Variants in CROCC observed in about 807,000 individuals in gnomAD.
CROCC encodes the protein rootletin.
In CROCC, 180 loss-of-function variants were observed where a neutral mutation model predicts 245.2. The ratio of observed to expected loss-of-function variants is 0.73; its 90% CI spans 0.65 to 0.83. The LOEUF (loss-of-function observed/expected upper bound fraction) is 0.83. Among genes scored for constraint, CROCC ranks in the 40% least tolerant of loss-of-function variants. The probability of loss-of-function intolerance (pLI) is 0.00; values close to 1 mark genes in which losing one functional copy is unlikely to be tolerated. For missense variants in CROCC, 2,688 were observed against 2,779.4 expected, an observed-to-expected ratio of 0.97 and a Z score of 0.74; for synonymous variants, 1,205 against 1,241.6, an observed-to-expected ratio of 0.97 and a Z score of 0.62.
At chr1:16,960,638 A>C in intron 26 of CROCC, 120 bp from the exon 27 acceptor site, 2 of 1,253,430 alleles carry the variant, frequency 1.6e-6, no homozygotes, top group Non-Finnish European at 2.0e-6. Flanking sequence ...GCGAGCACTA[A>C]AGGAGAAAGG....
At chr1:16,961,153 G>A (rs1406715507) in intron 27 of CROCC, 23 bp downstream of exon 27, 1 of 1,296,510 alleles carries the variant, frequency 7.7e-7, no homozygotes, top group South Asian at 2.1e-5. Context: ...CCGCGCGCAG[G>A]GAAGGGGGGA....
At chr1:16,947,943 G>A (rs2076086140) in intron 17 of CROCC, among the ~76,000 whole-genome samples, 1 of 152,190 alleles carries the variant, frequency 6.6e-6, no homozygotes, top group South Asian at 2.1e-4. Flanking sequence ...GGTTTAAGCT[G>A]TTCGCCTGCC....
chr1:16,952,625 C>G (rs1383816600), intron 20 of CROCC, among the ~76,000 whole-genome samples: 3 of 152,150 alleles, frequency 2.0e-5, no homozygotes, highest in Admixed American at 2.0e-4. Context: ...CTGTCCAGTC[C>G]CCAGGGATCT....
At chr1:16,946,130 A>G in intron 15 of CROCC, 129 bp from the exon 16 acceptor site, 1 of 1,078,868 alleles carries the variant, frequency 9.3e-7, no homozygotes, top group Non-Finnish European at 1.3e-6. Flanking sequence ...TTTCCATCTC[A>G]CACTGTGTCC....
chr1:16,931,493 T>A lies in CROCC; in HGVS notation c.956+96T>A. ...TGAATTTCAGTTCAACTCAACGCAC[T>A]TACTGTGCACAAGGGCCGGTGAGGA... On this transcript the variant is annotated intron_variant, in intron 8 of 36. Coordinates refer to ENST00000375541, the MANE Select transcript of CROCC (RefSeq NM_014675.5). The A allele has an allele frequency of 2.5e-6, 3 of 1,206,240 alleles. No homozygotes were observed. In the East Asian group the frequency reaches 7.2e-5, roughly 29 times the overall value. 74.7% of individuals were successfully genotyped at this position (1,206,240 alleles called of 1,614,324 possible).
At position 16,958,640 on chromosome 1, in the gene CROCC, G is replaced by A; in HGVS notation, c.3922G>A (p.Gly1308Ser). ...GGGCCGGGAGCTGGCGGAGCTGCAG[G>A]GCCGCCTGGCGCTGGGCGAGCGGGC... ...RLGRELAELQ[G>S]RLALGERAEK... Residue 1308 changes from glycine (G) to serine (S), a missense_variant, in exon 26 of 37, where the codon GGC (glycine) becomes AGC (serine). Gly to Ser is a moderately conservative substitution (Grantham distance 56). Transcript: ENST00000375541. The A allele has an allele frequency of 6.4e-7, 1 of 1,555,878 alleles. No individual in the cohort carries two copies. The highest frequency in any genetic ancestry group is 8.7e-7 in the Non-Finnish European group (1 of 1,150,196).
Position 16,921,960 on chromosome 1 carries a change from T to G in CROCC, c.-59T>G. On this transcript the variant is annotated 5_prime_UTR_variant, in exon 1 of 37. Transcript: ENST00000375541. ...CATCCTGGCTGTGGCGCGTGCTGAC[T>G]GAGCTAGTCTTGGGGTCCTGGAGAA... The G allele has an allele frequency of 9.1e-5, 134 of 1,474,426 alleles. No individual in the cohort carries two copies. The highest frequency in any genetic ancestry group is 1.7e-4 in the Middle Eastern group (1 of 5,726). The allele number at this position is 1,474,426 out of a possible 1,614,324, so 91.3% of individuals were successfully genotyped here.
At chr1:16,938,133 G>C (rs1485455134) in intron 10 of CROCC, among the ~76,000 whole-genome samples, 1 of 150,446 alleles carries the variant, frequency 6.6e-6, no homozygotes, top group African/African-American at 2.4e-5. Context: ...GCCTGGTTTG[G>C]TCACCCCTCT....
Position 16,946,748 on chromosome 1 carries a change from A to AC in CROCC, c.2284-11dup. Reference sequence around the variant, plus strand: ...GCCCTGCTCACGAGGCCCCACTCCTACCTGGCCTCCAGCTGGAGGAAGAAA... The same window carrying AC: ...GCCCTGCTCACGAGGCCCCACTCCTACCCTGGCCTCCAGCTGGAGGAAGAAA... On this transcript the variant is annotated splice_polypyrimidine_tract_variant and intron_variant, in intron 16 of 36. Transcript: ENST00000375541. 6.4e-7 allele frequency: 1 copy of AC among 1,550,470 alleles called. No individual in the cohort carries two copies. The highest frequency in any genetic ancestry group is 8.7e-7 in the Non-Finnish European group (1 of 1,146,410).
Position 16,948,361 on chromosome 1 carries a change from G to A in CROCC, c.2545G>A (p.Glu849Lys). Residue 849 changes from glutamate to lysine, a missense_variant, in exon 18 of 37, where the codon GAG becomes AAG. By Grantham distance (56) the Glu-to-Lys change is moderately conservative (BLOSUM62 1). This residue lies in a region of CROCC where 295 missense variants were observed against 241.7 expected (regional missense o/e 1.22). Transcript: ENST00000375541. ...LSRQLSGREQELEQARREAQR... is the reference protein window; with the variant it reads ...LSRQLSGREQKLEQARREAQR... ...CCGGCAGCTGAGCGGGCGGGAGCAG[G>A]AGCTGGAGCAGGCCCGGCGGGAGGC... 6.3e-7 allele frequency: 1 copy of A among 1,580,772 alleles called. No individual in the cohort carries two copies. Among genetic ancestry groups the A allele is most frequent in the Non-Finnish European group, 8.6e-7 (1 of 1,166,968 alleles).
In CROCC at chr1:16,928,123, G is replaced by A. The variant is rs1290717845; in HGVS notation, c.352-1723G>A. Reference sequence around the variant, plus strand: ...CTCCTGTTGGCTTCCTGTGGCTGGCGTGGCCCTGCACGGGTGGGCTTTTGA... The same window carrying A: ...CTCCTGTTGGCTTCCTGTGGCTGGCATGGCCCTGCACGGGTGGGCTTTTGA... On this transcript the variant is annotated intron_variant, in intron 3 of 36. Transcript: ENST00000375541. Among the ~76,000 whole-genome samples the A allele has an allele frequency of 5.2e-5, 8 of 152,400 alleles. No homozygotes were observed. The South Asian group carries it at 8.3e-4, about 16-fold the overall frequency.
At chr1:16,961,812 A>G (rs138978508) in intron 27 of CROCC, among the ~76,000 whole-genome samples, 2,290 of 152,106 alleles carry the variant, frequency 0.015, 60 homozygotes, top group African/African-American at 0.053. Context: ...GGGTTTTGCC[A>G]TATTGCCCAG....
In CROCC at chr1:16,931,315, G is replaced by C; in HGVS notation, c.874G>C (p.Glu292Gln). 1 of 1,612,096 alleles carries C rather than the reference G, an allele frequency of 6.2e-7. No homozygotes were observed. The highest frequency in any genetic ancestry group is 8.5e-7 in the Non-Finnish European group (1 of 1,178,648). Residue 292 changes from glutamate to glutamine, a missense_variant, in exon 8 of 37, where the codon GAG (glutamate) becomes CAG (glutamine). By Grantham distance (29) the Glu-to-Gln change is conservative. Transcript: ENST00000375541. Reference sequence around the variant, plus strand: ...GTCCTTCAACGCCTACTTCAGCAACGAGCACAGTCGCCTGCTCCTCCTCTG... The same window carrying C: ...GTCCTTCAACGCCTACTTCAGCAACCAGCACAGTCGCCTGCTCCTCCTCTG... ...EESFNAYFSN[E>Q]HSRLLLLWRQ...
chr1:16,956,094 C>T lies in CROCC; in HGVS notation c.3802C>T (p.Leu1268=), dbSNP rs1406996650. 6.4e-7 allele frequency: 1 copy of T among 1,550,834 alleles called. No homozygotes were observed. The highest frequency in any genetic ancestry group is 1.4e-5 in the African/African-American group (1 of 73,050). The part of the protein sequence containing the change: ...GKEAGELRTG[L]QEVERSRLEA... Reference sequence around the variant, plus strand: ...GGAGGCCGGGGAGCTGCGAACTGGGCTGCAGGAGGTGGAGCGCTCACGGCT... The same window carrying T: ...GGAGGCCGGGGAGCTGCGAACTGGGTTGCAGGAGGTGGAGCGCTCACGGCT... The change falls in exon 25 of 37, where the codon CTG becomes TTG. Residue 1268 remains leucine (L), a synonymous_variant. Coordinates refer to ENST00000375541, the MANE Select transcript of CROCC (RefSeq NM_014675.5).
Position 16,965,818 on chromosome 1 carries a change from G to T in CROCC, c.4501G>T (p.Asp1501Tyr), listed in dbSNP as rs1054588336. Reference sequence around the variant, plus strand: ...ACCTGCCACCTCCCCAGCCTCTCCAGACCTGGACCCGGAGGCAGTGCGCGG... The same window carrying T: ...ACCTGCCACCTCCCCAGCCTCTCCATACCTGGACCCGGAGGCAGTGCGCGG... Reference protein sequence around the residue: ...PGPATSPASPDLDPEAVRGAL... With the variant: ...PGPATSPASPYLDPEAVRGAL... Residue 1501 changes from aspartate (D) to tyrosine (Y), a missense_variant, in exon 28 of 37, where the codon GAC (aspartate) becomes TAC (tyrosine). Coordinates refer to ENST00000375541, the MANE Select transcript of CROCC (RefSeq NM_014675.5). 1 of 1,613,830 alleles carries T rather than the reference G, an allele frequency of 6.2e-7. No individual in the cohort carries two copies. Among genetic ancestry groups the T allele is most frequent in the South Asian group, 1.1e-5 (1 of 91,090 alleles).
chr1:16,925,039 G>A (rs1179340702), intron 3 of CROCC, among the ~76,000 whole-genome samples: 1 of 152,304 alleles, frequency 6.6e-6, no homozygotes, highest in Non-Finnish European at 1.5e-5. Context: ...CGTGCTGCAG[G>A]CTTGTGGGGG....
upstream of CROCC, among the ~76,000 whole-genome samples, chr1:16,921,256 C>A (rs1405281958): frequency 3.0e-4 from 46 of 152,316 alleles, no homozygotes; most frequent in African/African-American, 1.0e-3. Flanking sequence ...CTGGTGCACC[C>A]AGCTAGTGGG....
At position 16,954,892 on chromosome 1, in the gene CROCC, C is replaced by T. The variant is rs750030366; in HGVS notation, c.3465+15C>T. ...GTCTTCGCGAGGTGAGCAGCCGCCC[C>T]CCTCTTCCAAGCAGCATACCCTAAA... On this transcript the variant is annotated intron_variant, in intron 23 of 36. Coordinates refer to ENST00000375541, the MANE Select transcript of CROCC (RefSeq NM_014675.5). The surrounding 1 kb of genome is among the most constrained non-coding windows in gnomAD (Gnocchi z 4.4). 458 of 1,514,890 alleles carry T rather than the reference C, an allele frequency of 3.0e-4. No individual in the cohort carries two copies. The highest frequency in any genetic ancestry group is 3.9e-4 in the Non-Finnish European group (442 of 1,122,290). 93.8% of individuals were successfully genotyped at this position (1,514,890 alleles called of 1,614,324 possible).
At chr1:16,931,468 T>C in intron 8 of CROCC, 71 bp downstream of exon 8, 4 of 1,403,876 alleles carry the variant, frequency 2.8e-6, no homozygotes, top group Non-Finnish European at 4.0e-6. Context: ...TGAACTCAGT[T>C]GAATTTCAGT....
Sources: gnomAD v4.1 joint callset for allele counts (sites outside exome capture counted in the v4.1 genomes callset) on GRCh38, gnomAD v4.1.1 for gene constraint, gnomAD v4.1.1 regional missense constraint, Gnocchi (gnomAD v3.1) non-coding constraint, MANE v1.5 for transcripts, NCBI Gene and HGNC (gene_info 2026-07-23, HGNC 2026-07-21) for gene names.